UNC5C: variants seen among roughly 807,000 people sequenced by gnomAD.
UNC5C encodes the protein netrin receptor UNC5C.
Under a neutral mutation model 99.8 loss-of-function variants are expected in UNC5C, and 47 were observed. The ratio of observed to expected loss-of-function variants is 0.47; its 90% CI spans 0.37 to 0.60. UNC5C has a LOEUF of 0.60. Ranked by LOEUF, UNC5C falls within the 20% of genes least tolerant of loss-of-function variation. The pLI, the probability that UNC5C is intolerant of heterozygous loss-of-function variation, is 0.00. For missense variants in UNC5C, 1,062 were observed against 1,165.9 expected (o/e 0.91, Z 1.30); for synonymous variants, 487 against 452.2 (o/e 1.08, Z -0.98).
rs12502414 is a variant in UNC5C at position 95,380,656 on chromosome 4, C to A, written c.125-45025G>T. The stretch of plus-strand genomic sequence containing the variant: ...AAAACAAAACAAAACAAAAACCCTG[C>A]GAACTAAATCCCAGATTTTCTATAA... On this transcript the variant is annotated intron_variant, in intron 1 of 15. Transcript: ENST00000453304. Among the ~76,000 whole-genome samples the A allele has an allele frequency of 2.9e-3, 435 of 152,072 alleles. 2 individuals carry two copies. The highest frequency in any genetic ancestry group is 4.8e-3 in the Admixed American group (73 of 15,264).
chr4:95,507,023 C>T (rs1721940897), intron 1 of UNC5C, among the ~76,000 whole-genome samples: 1 of 151,838 alleles, frequency 6.6e-6, no homozygotes, highest in East Asian at 1.9e-4. Flanking sequence ...CTAGAAATTG[C>T]ACTTAAATCA....
chr4:95,292,356 G>A (rs1281709481), intron 3 of UNC5C, among the ~76,000 whole-genome samples: 2 of 150,410 alleles, frequency 1.3e-5, no homozygotes, highest in Non-Finnish European at 3.0e-5. Context: ...CGCAAGCTCT[G>A]CCTCCCAGGT....
At chr4:95,380,628 C>CA (rs1210830192) in intron 1 of UNC5C, among the ~76,000 whole-genome samples, 1 of 151,850 alleles carries the variant, frequency 6.6e-6, no homozygotes. Flanking sequence ...CCAGAAAAGA[C>CA]AAAAAACAAA....
intron 1 of UNC5C, among the ~76,000 whole-genome samples, chr4:95,538,080 T>C (rs770274737): frequency 7.9e-5 from 12 of 152,234 alleles, no homozygotes; most frequent in African/African-American, 1.4e-4. Context: ...TTATATAGAC[T>C]GTTACTTTTG....
chr4:95,179,373 CAACTT>C (rs1736509441), intron 14 of UNC5C, among the ~76,000 whole-genome samples: 2 of 152,180 alleles, frequency 1.3e-5, no homozygotes, highest in Admixed American at 1.3e-4. Flanking sequence ...CTGTGCACCA[CAACTT>C]AAGAGGTTAT....
chr4:95,458,013 C>G (rs932555182), intron 1 of UNC5C, among the ~76,000 whole-genome samples: 2 of 152,088 alleles, frequency 1.3e-5, no homozygotes, highest in Non-Finnish European at 2.9e-5. Flanking sequence ...GAGAATCTAT[C>G]CTTAGAAAAG....
chr4:95,242,215 T>C (rs1172722022), intron 7 of UNC5C, among the ~76,000 whole-genome samples: 3 of 152,208 alleles, frequency 2.0e-5, no homozygotes, highest in Non-Finnish European at 2.9e-5. Context: ...AAAAGCAATA[T>C]TGCATGCCAT....
intron 4 of UNC5C, among the ~76,000 whole-genome samples, chr4:95,267,262 G>A (rs17023387): frequency 3.3e-5 from 5 of 152,156 alleles, no homozygotes; most frequent in African/African-American, 1.2e-4. Flanking sequence ...GTGTCCCAGG[G>A]TGATTCATAT....
At chr4:95,199,298 G>T (rs370136388) in intron 12 of UNC5C, among the ~76,000 whole-genome samples, 2 of 152,136 alleles carry the variant, frequency 1.3e-5, no homozygotes, top group East Asian at 3.9e-4. Flanking sequence ...CAATTCAAGC[G>T]TGGGTGTGAG....
chr4:95,225,277 G>A (rs1047206952), intron 7 of UNC5C, among the ~76,000 whole-genome samples: 3 of 152,210 alleles, frequency 2.0e-5, no homozygotes, highest in African/African-American at 4.8e-5. Flanking sequence ...GACTGGTCTC[G>A]AAATCCTGGG....
intron 1 of UNC5C, among the ~76,000 whole-genome samples, chr4:95,467,463 CAT>C (rs767337564): frequency 6.6e-6 from 1 of 152,076 alleles, no homozygotes; most frequent in Non-Finnish European, 1.5e-5. Context: ...TTGCAGCATG[CAT>C]ATATTTTCTT....
At chr4:95,307,901 C>T (rs970055178) in intron 2 of UNC5C, among the ~76,000 whole-genome samples, 2 of 152,102 alleles carry the variant, frequency 1.3e-5, no homozygotes, top group African/African-American at 4.8e-5. Context: ...GTAGAAAGAA[C>T]ATTTGACAAA....
intron 7 of UNC5C, among the ~76,000 whole-genome samples, chr4:95,236,605 GA>G (rs892058539): frequency 5.7e-5 from 7 of 123,556 alleles, no homozygotes; most frequent in Admixed American, 8.9e-5. Flanking sequence ...ATAAATAAAA[GA>G]AAAAAAAGAA....
chr4:95,480,574 C>T (rs1305257128), intron 1 of UNC5C, among the ~76,000 whole-genome samples: 2 of 151,888 alleles, frequency 1.3e-5, no homozygotes, highest in African/African-American at 4.8e-5. Context: ...TTAAGATGAT[C>T]ACAATGGAAT....
At chr4:95,431,729 G>T (rs1746641573) in intron 1 of UNC5C, among the ~76,000 whole-genome samples, 1 of 152,024 alleles carries the variant, frequency 6.6e-6, no homozygotes, top group Admixed American at 6.6e-5. Flanking sequence ...AAAGACCAGA[G>T]TTAAAGTGTG....
chr4:95,487,758 T>C (rs1246189270), intron 1 of UNC5C, among the ~76,000 whole-genome samples: 2 of 151,744 alleles, frequency 1.3e-5, no homozygotes, highest in Non-Finnish European at 2.9e-5. Flanking sequence ...CAGCATAATT[T>C]AGAACAGGAA....
At position 95,183,057 on chromosome 4, in the gene UNC5C, A is replaced by G. The variant is rs775944665; in HGVS notation, c.2291T>C (p.Ile764Thr). The G allele has an allele frequency of 1.2e-6, 2 of 1,605,670 alleles. No homozygotes were observed. The highest frequency in any genetic ancestry group is 1.7e-6 in the Non-Finnish European group (2 of 1,173,308). The change falls in exon 14 of 16, where the codon ATT becomes ACT. Residue 764 changes from isoleucine (I) to threonine (T), a missense_variant. Ile to Thr is a moderately conservative substitution (Grantham distance 89). This residue lies in a region of UNC5C where 810 missense variants were observed against 854.5 expected (regional missense o/e 0.95). Coordinates refer to ENST00000453304, the MANE Select transcript of UNC5C (RefSeq NM_003728.4). ...TCCACTCCAAACATGGTAAAATGGA[A>G]TTTCCTAAAGGATATGAAAGTGTTA... ...KSKLLAKYQE[I>T]PFYHVWSGSQ...
intron 1 of UNC5C, among the ~76,000 whole-genome samples, chr4:95,523,244 G>C (rs1272695063): frequency 1.3e-5 from 2 of 152,180 alleles, no homozygotes; most frequent in Admixed American, 6.5e-5. Context: ...AGGCAAAGCA[G>C]CTCTTGCTTC....
intron 1 of UNC5C, among the ~76,000 whole-genome samples, chr4:95,346,330 A>G (rs1484913631): frequency 6.6e-6 from 1 of 152,162 alleles, no homozygotes; most frequent in African/African-American, 2.4e-5. Flanking sequence ...CAATGGCTTC[A>G]CAGCTGATTT....
Sources: allele counts gnomAD v4.1 joint callset (sites outside exome capture counted in the v4.1 genomes callset), GRCh38; gene constraint gnomAD v4.1.1; regional missense constraint gnomAD v4.1.1; transcripts MANE v1.5; gene names NCBI Gene and HGNC (gene_info 2026-07-23, HGNC 2026-07-21).